NPAS3: variants seen among roughly 807,000 people sequenced by gnomAD.
NPAS3 encodes neuronal PAS domain-containing protein 3.
Under a neutral mutation model 73.1 loss-of-function variants are expected in NPAS3, and 14 were observed. The ratio of observed to expected loss-of-function variants is 0.19; its 90% confidence interval spans 0.13 to 0.30. The LOEUF (loss-of-function observed/expected upper bound fraction) is 0.30, where lower values mean the gene tolerates loss of function less well. Ranked by LOEUF, NPAS3 falls within the 10% of genes least tolerant of loss-of-function variation. NPAS3 has a pLI of 1.00. For missense variants in NPAS3, 1,096 were observed against 1,250.0 expected (o/e 0.88, Z 1.86); for synonymous variants, 620 against 541.5 (o/e 1.14, Z -2.01).
At chr14:33,503,969 C>A (rs2052640036) in intron 4 of NPAS3, among the ~76,000 whole-genome samples, 1 of 151,938 alleles carries the variant, frequency 6.6e-6, no homozygotes, top group Non-Finnish European at 1.5e-5. Flanking sequence ...TGTACAACAA[C>A]CTTATCTAGA....
intron 5 of NPAS3, among the ~76,000 whole-genome samples, chr14:33,674,688 G>C (rs2059708059): frequency 6.6e-6 from 1 of 152,212 alleles, no homozygotes; most frequent in African/African-American, 2.4e-5. Context: ...CAGGAGGAGA[G>C]TGCAATTTAA....
chr14:33,634,634 TGGGAGGTACTTTTCTCCAA>T (rs980617066), intron 5 of NPAS3, among the ~76,000 whole-genome samples: 3 of 152,006 alleles, frequency 2.0e-5, no homozygotes, highest in African/African-American at 7.3e-5. Context: ...CGATGTGAGG[TGGGAGGTACTTTTCTCCAA>T]GGTAGTGAAT....
At chr14:33,788,005 A>C (rs2063230170) in intron 9 of NPAS3, among the ~76,000 whole-genome samples, 1 of 152,222 alleles carries the variant, frequency 6.6e-6, no homozygotes, top group Non-Finnish European at 1.5e-5. Context: ...TTCCAGAATG[A>C]AGTTCCCTGT....
At chr14:33,029,706 A>G (rs1262725833) in intron 1 of NPAS3, among the ~76,000 whole-genome samples, 1 of 152,198 alleles carries the variant, frequency 6.6e-6, no homozygotes, top group Non-Finnish European at 1.5e-5. Flanking sequence ...CATTTCTGCA[A>G]TTAAGACAGC....
chr14:33,551,132 A>G (rs936360768), intron 4 of NPAS3, among the ~76,000 whole-genome samples: 14 of 152,342 alleles, frequency 9.2e-5, no homozygotes, highest in African/African-American at 3.4e-4. Flanking sequence ...TTTCTGAACT[A>G]TATTTGTAAC....
At chr14:33,556,757 T>C (rs2055374440) in intron 4 of NPAS3, among the ~76,000 whole-genome samples, 2 of 152,204 alleles carry the variant, frequency 1.3e-5, no homozygotes, top group Non-Finnish European at 2.9e-5. Flanking sequence ...TGCCTCAGTT[T>C]CCTCCTCTGT....
intron 1 of NPAS3, among the ~76,000 whole-genome samples, chr14:33,009,593 G>A (rs1182183768): frequency 6.6e-6 from 1 of 152,144 alleles, no homozygotes; most frequent in African/African-American, 2.4e-5. Context: ...CATAAATAGT[G>A]GTAGTAGTAA....
chr14:33,590,413 A>G (rs2057021926), intron 5 of NPAS3, among the ~76,000 whole-genome samples: 1 of 152,144 alleles, frequency 6.6e-6, no homozygotes, highest in Non-Finnish European at 1.5e-5. Flanking sequence ...AGGATTTTTG[A>G]CATGTGAACC....
chr14:33,527,125 G>A (rs1327194446), intron 4 of NPAS3, among the ~76,000 whole-genome samples: 1 of 152,124 alleles, frequency 6.6e-6, no homozygotes, highest in African/African-American at 2.4e-5. Context: ...ATGGCTACCA[G>A]TGCTAGACAG....
At chr14:33,429,367 C>T (rs1208198441) in intron 4 of NPAS3, among the ~76,000 whole-genome samples, 2 of 152,006 alleles carry the variant, frequency 1.3e-5, no homozygotes, top group East Asian at 3.9e-4. Context: ...TCTCTTGGAT[C>T]TTCAGGAAGT....
intron 4 of NPAS3, among the ~76,000 whole-genome samples, chr14:33,442,356 A>C (rs1290235663): frequency 6.6e-6 from 1 of 151,562 alleles, no homozygotes; most frequent in East Asian, 1.9e-4. Flanking sequence ...AGGAGGGAGG[A>C]TTGCGTGAGC....
intron 2 of NPAS3, among the ~76,000 whole-genome samples, chr14:33,107,056 A>G (rs1001566113): frequency 6.6e-6 from 1 of 152,074 alleles, no homozygotes; most frequent in Non-Finnish European, 1.5e-5. Context: ...TCCACTCAGA[A>G]TAAAGGCTGC....
chr14:33,491,480 C>G (rs1280704485), intron 4 of NPAS3, among the ~76,000 whole-genome samples: 1 of 152,134 alleles, frequency 6.6e-6, no homozygotes, highest in African/African-American at 2.4e-5. Context: ...TAGGCACTAG[C>G]CGCCTGTGGC....
chr14:33,147,641 G>T (rs2044282832), intron 2 of NPAS3, among the ~76,000 whole-genome samples: 1 of 149,960 alleles, frequency 6.7e-6, no homozygotes, highest in African/African-American at 2.5e-5. Context: ...CGAGTTAATG[G>T]GTGCAGCACA....
chr14:33,411,030 A>G (rs2047900025), intron 4 of NPAS3, among the ~76,000 whole-genome samples: 2 of 152,168 alleles, frequency 1.3e-5, no homozygotes, highest in South Asian at 4.1e-4. Context: ...ACCCAGACTT[A>G]TCAGTCCTAC....
Position 33,024,749 on chromosome 14 carries a change from A to T in NPAS3, c.51-31156A>T, listed in dbSNP as rs149665958. On this transcript the variant is annotated intron_variant, in intron 1 of 11. Coordinates refer to ENST00000356141, the Ensembl canonical transcript of NPAS3. ...CCAATGAAAATGTTCACATAGGCTA[A>T]TTCTGAATGTTGGGATTATGGATAA... Among the ~76,000 whole-genome samples, 443 of 152,336 alleles carry T rather than the reference A, an allele frequency of 2.9e-3. 4 individuals are homozygous for T. Among genetic ancestry groups the T allele is most frequent in the African/African-American group, 0.01 (419 of 41,570 alleles).
intron 2 of NPAS3, among the ~76,000 whole-genome samples, chr14:33,067,049 A>C (rs1039071679): frequency 2.6e-5 from 4 of 152,216 alleles, no homozygotes; most frequent in Non-Finnish European, 5.9e-5. Context: ...AAGCTCAGAG[A>C]GGTCAGGCAC....
At chr14:33,751,975 T>C (rs758260569) in intron 7 of NPAS3, among the ~76,000 whole-genome samples, 1 of 152,164 alleles carries the variant, frequency 6.6e-6, no homozygotes, top group Admixed American at 6.6e-5. Context: ...TCAAATACAG[T>C]ATATGACTAC....
intron 3 of NPAS3, among the ~76,000 whole-genome samples, chr14:33,226,594 A>G (rs573090780): frequency 1.3e-5 from 2 of 152,326 alleles, no homozygotes; most frequent in South Asian, 4.1e-4. Context: ...TAATTTTCAT[A>G]ACTTACACTC....
Sources: allele counts gnomAD v4.1 joint callset (sites outside exome capture counted in the v4.1 genomes callset), GRCh38; gene constraint gnomAD v4.1.1; transcripts MANE v1.5; gene names NCBI Gene and HGNC (gene_info 2026-07-23, HGNC 2026-07-21).